The following CDH19 variants were observed in gnomAD, a reference collection of about 807,000 sequenced individuals.
CDH19 encodes cadherin 19, also known as cadherin-19.
CDH19 carries 67 observed loss-of-function variants against 64.2 expected under a neutral mutation model. The ratio of observed to expected loss-of-function variants is 1.04; its 90% confidence interval spans 0.86 to 1.28. The LOEUF (loss-of-function observed/expected upper bound fraction) is 1.28. CDH19 is among the 50% of genes most tolerant of loss of function. The pLI is 0.00. For missense variants in CDH19, 1,030 were observed against 929.0 expected (o/e 1.11, Z -1.41); for synonymous variants, 346 against 319.3 (o/e 1.08, Z -0.89).
In CDH19 at chr18:66,560,474, A is replaced by C. The variant is rs1188903020; in HGVS notation, c.491-5950T>G. Among the ~76,000 whole-genome samples, 4 of 152,212 alleles carry C rather than the reference A, an allele frequency of 2.6e-5. No individual in the cohort carries two copies. In the East Asian group the frequency reaches 7.7e-4, roughly 29 times the overall value. On this transcript the variant is annotated intron_variant, in intron 3 of 11. Transcript: ENST00000262150. Reference sequence around the variant, plus strand: ...AACAGACTGTAGATCCAAATGTGAAAGGTAAATAATAAGAAAAATAAGAAT... The same window carrying C: ...AACAGACTGTAGATCCAAATGTGAACGGTAAATAATAAGAAAAATAAGAAT...
intron 3 of CDH19, among the ~76,000 whole-genome samples, chr18:66,566,052 C>G (rs1023259971): frequency 6.6e-6 from 1 of 151,982 alleles, no homozygotes; most frequent in Non-Finnish European, 1.5e-5. Context: ...TGGGGCTGCA[C>G]TGATACCATG....
Position 66,556,316 on chromosome 18 carries a change from A to G in CDH19, c.491-1792T>C, listed in dbSNP as rs191822198. Among the ~76,000 whole-genome samples, 322 of 151,714 alleles carry G rather than the reference A, an allele frequency of 2.1e-3. 1 individual carries two copies. The highest frequency in any genetic ancestry group is 7.4e-3 in the African/African-American group (306 of 41,460). On this transcript the variant is annotated intron_variant, in intron 3 of 11. Transcript: ENST00000262150. ...ATCTACTCACTCATCACAAATCTCA[A>G]ATATAATACAATATTATTAACTATA... is the stretch of plus-strand genomic sequence containing the variant.
rs1985094175 is a variant in CDH19, at chr18:66,504,695, G to A, written c.*117C>T. 9.4e-7 allele frequency: 1 copy of A among 1,060,564 alleles called. No homozygotes were observed. Among genetic ancestry groups the A allele is most frequent in the Non-Finnish European group, 1.3e-6 (1 of 751,518 alleles). 65.7% of individuals were successfully genotyped at this position (1,060,564 alleles called of 1,614,324 possible). ...TGGAGTATTTACTCCAGGGAAATCAGAAAACTCCATAGACTAGGGCTTTCC... is the reference window on the plus strand; with the variant it reads ...TGGAGTATTTACTCCAGGGAAATCAAAAAACTCCATAGACTAGGGCTTTCC... On this transcript the variant is annotated 3_prime_UTR_variant, in exon 12 of 12. Coordinates refer to ENST00000262150, the MANE Select transcript of CDH19 (RefSeq NM_021153.4).
rs371688912 is a variant in CDH19, at chr18:66,572,098, C to T, written c.107G>A (p.Arg36Gln). The change falls in exon 2 of 12, where the codon CGA becomes CAA. Residue 36 changes from arginine (R) to glutamine (Q), a missense_variant. Transcript: ENST00000262150. ...GCCACGCTTCACTCTCAAATGAGATCGCACTGGCTGCTTGACTTTCTTTGT... is the reference window on the plus strand; with the variant it reads ...GCCACGCTTCACTCTCAAATGAGATTGCACTGGCTGCTTGACTTTCTTTGT... ...SQTKKVKQPV[R>Q]SHLRVKRGWV... The T allele has an allele frequency of 3.1e-6, 5 of 1,611,476 alleles. No individual in the cohort carries two copies. Among genetic ancestry groups the T allele is most frequent in the Non-Finnish European group, 4.2e-6 (5 of 1,178,412 alleles).
At chr18:66,515,098 T>C (rs973590104) in intron 9 of CDH19, among the ~76,000 whole-genome samples, 2 of 151,624 alleles carry the variant, frequency 1.3e-5, no homozygotes, top group African/African-American at 4.8e-5. Flanking sequence ...TGAAGTGCAC[T>C]TAATAAACAA....
Position 66,529,884 on chromosome 18 carries a change from G to A in CDH19, c.1419C>T (p.Tyr473=). The change falls in exon 9 of 12, where the codon TAC becomes TAT. Residue 473 remains tyrosine (Y), a synonymous_variant. Transcript: ENST00000262150. ...INDHAPEFSQ[Y]YETYVCENAG... ...CATTTTCACAAACATAAGTCTCATA[G>A]TATTGAGAGAACTCAGGAGCATGAT... 3 of 1,594,082 alleles carry A rather than the reference G, an allele frequency of 1.9e-6. No individual in the cohort carries two copies. The highest frequency in any genetic ancestry group is 1.7e-6 in the Non-Finnish European group (2 of 1,166,382).
intron 9 of CDH19, among the ~76,000 whole-genome samples, chr18:66,518,316 CT>C (rs1985828470): frequency 6.6e-6 from 1 of 152,050 alleles, no homozygotes; most frequent in South Asian, 2.1e-4. Flanking sequence ...TCACTACAAC[CT>C]CTTCCTCCCA....
intron 9 of CDH19, among the ~76,000 whole-genome samples, chr18:66,520,368 G>C: frequency 1.0e-5 from 1 of 99,384 alleles, no homozygotes; most frequent in South Asian, 3.0e-4. Flanking sequence ...TCAGTTTTCT[G>C]ATGCTGTAGC....
intron 3 of CDH19, among the ~76,000 whole-genome samples, chr18:66,566,185 CA>C (rs1987902744): frequency 6.6e-6 from 1 of 151,380 alleles, no homozygotes; most frequent in East Asian, 1.9e-4. Context: ...GCTTCACTGA[CA>C]AAATAGAAAC....
chr18:66,522,945 CT>C (rs1460133100), intron 9 of CDH19, among the ~76,000 whole-genome samples: 3 of 150,870 alleles, frequency 2.0e-5, no homozygotes, highest in Non-Finnish European at 3.0e-5. Flanking sequence ...AAATTGATAC[CT>C]TTTCCTAAAA....
intron 9 of CDH19, among the ~76,000 whole-genome samples, chr18:66,519,064 TC>T (rs2144374180): frequency 6.6e-6 from 1 of 152,278 alleles, no homozygotes; most frequent in South Asian, 2.1e-4. Flanking sequence ...ATAGTGGAGT[TC>T]TTAACTTTTG....
At chr18:66,525,925 A>T (rs1200258644) in intron 9 of CDH19, among the ~76,000 whole-genome samples, 1 of 152,142 alleles carries the variant, frequency 6.6e-6, no homozygotes, top group Non-Finnish European at 1.5e-5. Flanking sequence ...AAATTGTAAA[A>T]TAGGGCTGAC....
At chr18:66,522,439 G>A (rs887538476) in intron 9 of CDH19, among the ~76,000 whole-genome samples, 3 of 151,852 alleles carry the variant, frequency 2.0e-5, no homozygotes, top group Non-Finnish European at 2.9e-5. Context: ...TAGTAGAGAC[G>A]GGGGTGCGCC....
chr18:66,520,494 C>CT (rs996929119), intron 9 of CDH19, among the ~76,000 whole-genome samples: 1 of 151,134 alleles, frequency 6.6e-6, no homozygotes, highest in Non-Finnish European at 1.5e-5. Context: ...ATAATTTTTT[C>CT]TTTTTTTGAG....
Position 66,548,254 on chromosome 18 carries a change from TA to T in CDH19, c.775+2839del, listed in dbSNP as rs1485698423. On this transcript the variant is annotated intron_variant, in intron 5 of 11. Coordinates refer to ENST00000262150, the MANE Select transcript of CDH19 (RefSeq NM_021153.4). The stretch of plus-strand genomic sequence containing the variant: ...CCTCCTCTGAACCCCTTTATATATA[TA>T]TATATATTTTTTTAAAAATATATAA... 7.8e-3 allele frequency among the ~76,000 whole-genome samples: 680 copies of T among 87,566 alleles called. 1 individual carries two copies. Among genetic ancestry groups the T allele is most frequent in the African/African-American group, 0.035 (621 of 17,962 alleles). The allele number at this position is 87,566 out of a possible 152,430, so 57.4% of individuals were successfully genotyped here. A position where few individuals can be genotyped will look rare whatever the true frequency, so the allele number is the denominator to read the frequency against.
intron 7 of CDH19, among the ~76,000 whole-genome samples, chr18:66,538,990 G>A (rs1256894754): frequency 6.6e-6 from 1 of 152,134 alleles, no homozygotes; most frequent in Non-Finnish European, 1.5e-5. Flanking sequence ...ACATTCGGGT[G>A]TACTGGATGT....
Position 66,504,762 on chromosome 18 carries a change from T to A in CDH19, c.*50A>T. ...GCACAAAACTCTTTAAGACTACCAT[T>A]GGGTTCGAATACACATTAGCACTTT... On this transcript the variant is annotated 3_prime_UTR_variant, in exon 12 of 12. Coordinates refer to ENST00000262150, the MANE Select transcript of CDH19 (RefSeq NM_021153.4). 1 of 1,529,982 alleles carries A rather than the reference T, an allele frequency of 6.5e-7. No individual in the cohort carries two copies. Among genetic ancestry groups the A allele is most frequent in the Non-Finnish European group, 8.8e-7 (1 of 1,135,372 alleles). 94.8% of individuals were successfully genotyped at this position (1,529,982 alleles called of 1,614,324 possible). A position where few individuals can be genotyped will look rare whatever the true frequency, so the allele number is the denominator to read the frequency against.
In CDH19 at chr18:66,571,924, TGG is replaced by T. The variant is rs1185324641; in HGVS notation, c.195+84_195+85del. On this transcript the variant is annotated intron_variant, in intron 2 of 11. Coordinates refer to ENST00000262150, the MANE Select transcript of CDH19 (RefSeq NM_021153.4). ...TTTCAATGGCTTCACTGTAAAAATG[TGG>T]AACTCATCAAATCTCCAAACTTCTC... 3 of 946,488 alleles carry T rather than the reference TGG, an allele frequency of 3.2e-6. No individual in the cohort carries two copies. In the African/African-American group the frequency reaches 5.0e-5, roughly 16 times the overall value. The allele number at this position is 946,488 out of a possible 1,614,324, so 58.6% of individuals were successfully genotyped here.
At chr18:66,584,995 T>C (rs1988533891) in intron 1 of CDH19, among the ~76,000 whole-genome samples, 1 of 152,026 alleles carries the variant, frequency 6.6e-6, no homozygotes, top group African/African-American at 2.4e-5. Flanking sequence ...CTGTAAACAC[T>C]CTCAATAGCC....
Sources: gnomAD v4.1 joint callset for allele counts (sites outside exome capture counted in the v4.1 genomes callset) on GRCh38, gnomAD v4.1.1 for gene constraint, MANE v1.5 for transcripts, NCBI Gene and HGNC (gene_info 2026-07-23, HGNC 2026-07-21) for gene names.